Variants in CTNNA1 observed in about 807,000 individuals in gnomAD.
The protein encoded by CTNNA1 is catenin alpha 1.
A neutral mutation model predicts 98.4 loss-of-function variants in CTNNA1; 37 were observed. The observed-to-expected ratio is 0.38, with a 90% CI of 0.29 to 0.49. The LOEUF (loss-of-function observed/expected upper bound fraction) is 0.49. Among genes scored for constraint, CTNNA1 ranks in the 20% least tolerant of loss-of-function variants. The pLI is 0.95. For missense variants in CTNNA1, 761 were observed against 1,147.2 expected (o/e 0.66, Z 4.86); for synonymous variants, 404 against 413.2 (o/e 0.98, Z 0.27).
At chr5:138,794,982 T>C (rs1006101377) in intron 3 of CTNNA1, among the ~76,000 whole-genome samples, 1 of 151,302 alleles carries the variant, frequency 6.6e-6, no homozygotes, top group African/African-American at 2.4e-5. Flanking sequence ...AAACTCTGTC[T>C]CTACTGAAAA....
intron 10 of CTNNA1, among the ~76,000 whole-genome samples, chr5:138,909,742 T>G (rs1760130658): frequency 1.3e-5 from 2 of 152,208 alleles, no homozygotes; most frequent in African/African-American, 2.4e-5. Context: ...ATATTGCTTC[T>G]TCTGTCATTG....
chr5:138,900,799 CT>C (rs1287680418), intron 9 of CTNNA1, among the ~76,000 whole-genome samples: 1 of 152,128 alleles, frequency 6.6e-6, no homozygotes, highest in Non-Finnish European at 1.5e-5. Context: ...TTGGGTTTTC[CT>C]GAAACCAGCA....
At chr5:138,810,262 C>T in intron 4 of CTNNA1, 58 bp downstream of exon 4, 1 of 1,564,932 alleles carries the variant, frequency 6.4e-7, no homozygotes, top group Non-Finnish European at 8.8e-7. Flanking sequence ...TGCTACTGGC[C>T]TTCCTTAGTT....
At chr5:138,857,875 T>C (rs1763867808) in intron 7 of CTNNA1, among the ~76,000 whole-genome samples, 1 of 152,234 alleles carries the variant, frequency 6.6e-6, no homozygotes, top group Non-Finnish European at 1.5e-5. Flanking sequence ...TAACTTACAA[T>C]TGTAATTCCC....
chr5:138,929,200 G>T (rs1316380591), intron 13 of CTNNA1, 46 bp from the exon 14 acceptor site: 1 of 1,058,430 alleles, frequency 9.4e-7, no homozygotes. Context: ...CTGGGGGCTG[G>T]TGGCCCAGAG....
chr5:138,854,863 C>T (rs1037575492), intron 7 of CTNNA1, among the ~76,000 whole-genome samples: 2 of 152,198 alleles, frequency 1.3e-5, no homozygotes, highest in Admixed American at 1.3e-4. Context: ...GAGTGATTCT[C>T]CTCCCAGCAT....
chr5:138,901,125 T>C (rs897995870), intron 9 of CTNNA1, among the ~76,000 whole-genome samples: 5 of 152,132 alleles, frequency 3.3e-5, no homozygotes, highest in African/African-American at 9.7e-5. Flanking sequence ...TTCTTTTCTC[T>C]TCTCTTCTCT....
chr5:138,905,437 A>G (rs780195526), intron 10 of CTNNA1, among the ~76,000 whole-genome samples: 6 of 152,202 alleles, frequency 3.9e-5, no homozygotes, highest in Non-Finnish European at 5.9e-5. Flanking sequence ...ACCTCACACT[A>G]TTCACCTATA....
intron 7 of CTNNA1, among the ~76,000 whole-genome samples, chr5:138,868,726 C>G (rs1364911042): frequency 6.6e-6 from 1 of 152,160 alleles, no homozygotes; most frequent in Non-Finnish European, 1.5e-5. Context: ...TTACTTTCTT[C>G]TTATCCTAGT....
At chr5:138,783,965 G>C (rs1056347805) in intron 3 of CTNNA1, among the ~76,000 whole-genome samples, 6 of 152,218 alleles carry the variant, frequency 3.9e-5, no homozygotes, top group Non-Finnish European at 5.9e-5. Context: ...AAAGTAAAAT[G>C]GTAATCCACA....
chr5:138,807,384 C>T (rs1758200198), intron 3 of CTNNA1, among the ~76,000 whole-genome samples: 1 of 151,884 alleles, frequency 6.6e-6, no homozygotes, highest in Non-Finnish European at 1.5e-5. Context: ...CACATCCTTC[C>T]TCTCCTTTGA....
chr5:138,920,797 T>A (rs1762769668), intron 11 of CTNNA1, among the ~76,000 whole-genome samples: 1 of 152,156 alleles, frequency 6.6e-6, no homozygotes, highest in Admixed American at 6.5e-5. Flanking sequence ...GGGCTTCAGC[T>A]CCTTTGTTCT....
chr5:138,854,149 TA>T (rs1467668106), intron 7 of CTNNA1, among the ~76,000 whole-genome samples: 70 of 152,362 alleles, frequency 4.6e-4, no homozygotes, highest in African/African-American at 1.7e-3. Context: ...TATTTGTTTT[TA>T]TTTTTTTACC....
chr5:138,830,748 T>C (rs1410413301), intron 7 of CTNNA1, among the ~76,000 whole-genome samples: 1 of 152,168 alleles, frequency 6.6e-6, no homozygotes, highest in Admixed American at 6.5e-5. Flanking sequence ...TTGGGCACAA[T>C]GTAAGAGGAG....
At position 138,896,545 on chromosome 5, in the gene CTNNA1, T is replaced by C. The variant is rs28363452; in HGVS notation, c.1297-7804T>C. ...TGCATGGTATTGAAGCCACTTCTCT[T>C]GTGTGAAGGGTGCATAGATGTTGTT... On this transcript the variant is annotated intron_variant, in intron 9 of 17. Transcript: ENST00000302763. 4.5e-3 allele frequency among the ~76,000 whole-genome samples: 679 copies of C among 152,278 alleles called. 13 individuals carry two copies. Among genetic ancestry groups the C allele is most frequent in the African/African-American group, 0.011 (439 of 41,552 alleles).
At position 138,753,476 on chromosome 5, in the gene CTNNA1, C is replaced by A. The variant is rs1298686334; in HGVS notation, c.-37C>A. On this transcript the variant is annotated 5_prime_UTR_variant, in exon 1 of 18. Transcript: ENST00000302763. ...CAAAGCAGCGCCCGTCTGCTTCGGG[C>A]CTCTGGAATTTAGCGCTCGCCCAGC... is the stretch of plus-strand genomic sequence containing the variant. 7 of 379,124 alleles carry A rather than the reference C, an allele frequency of 1.8e-5. No individual in the cohort carries two copies. The highest frequency in any genetic ancestry group is 3.3e-5 in the Non-Finnish European group (7 of 213,398). The allele number at this position is 379,124 out of a possible 1,614,324, so 23.5% of individuals were successfully genotyped here.
intron 5 of CTNNA1, among the ~76,000 whole-genome samples, chr5:138,823,447 A>G (rs1051094546): frequency 6.6e-6 from 1 of 152,226 alleles, no homozygotes; most frequent in African/African-American, 2.4e-5. Flanking sequence ...TATGAAGCAC[A>G]TACGCCTCAA....
intron 1 of CTNNA1, among the ~76,000 whole-genome samples, chr5:138,755,845 C>CTTTTTTTGTTTTTTTTTTT (rs1751580052): frequency 1.7e-5 from 1 of 58,450 alleles, no homozygotes; most frequent in Non-Finnish European, 3.1e-5. Context: ...GGATTTCCTT[C>CTTTTTTTGTTTTTTTTTTT]TTTTTTTTTT....
At chr5:138,857,700 T>G (rs1763853066) in intron 7 of CTNNA1, among the ~76,000 whole-genome samples, 1 of 152,198 alleles carries the variant, frequency 6.6e-6, no homozygotes, top group Admixed American at 6.5e-5. Flanking sequence ...TGAAGCATGG[T>G]ACTGTTAATG....
Sources: allele counts gnomAD v4.1 joint callset (sites outside exome capture counted in the v4.1 genomes callset), GRCh38; gene constraint gnomAD v4.1.1; transcripts MANE v1.5; gene names NCBI Gene and HGNC (gene_info 2026-07-23, HGNC 2026-07-21).